The following PHF19 variants were observed in gnomAD, a reference collection of about 807,000 sequenced individuals.
PHF19 encodes the protein PHD finger protein 19.
A neutral mutation model predicts 79.8 loss-of-function variants in PHF19; 21 were observed. That is an observed-to-expected ratio of 0.26 (90% CI 0.19 to 0.38). PHF19 has a LOEUF of 0.38. Among genes scored for constraint, PHF19 ranks in the 10% least tolerant of loss-of-function variants. The probability of loss-of-function intolerance (pLI) is 1.00; values close to 1 mark genes in which losing one functional copy is unlikely to be tolerated. For synonymous variants in PHF19, 273 were observed against 296.3 expected, an observed-to-expected ratio of 0.92 and a Z score of 0.81; for missense variants, 445 against 744.2, an observed-to-expected ratio of 0.60 and a Z score of 4.68.
At position 120,865,738 on chromosome 9, in the gene PHF19, T is replaced by C. The variant is rs747527861; in HGVS notation, c.872A>G (p.His291Arg). Reference protein sequence around the residue: ...DFEEILAFVNHHWELLQLGKL... With the variant: ...DFEEILAFVNRHWELLQLGKL... ...GCCAAGCTGCAGGAGCTCCCAGTGG[T>C]GGTTGACAAAGGCCAGAATCTCCTC... The change falls in exon 9 of 15, where the codon CAC (histidine) becomes CGC (arginine). Residue 291 changes from histidine to arginine, a missense_variant. His to Arg is a conservative substitution (Grantham distance 29). This residue lies in a region of PHF19 where 167 missense variants were observed against 375.8 expected (regional missense o/e 0.44). Transcript: ENST00000373896. 3 of 1,613,998 alleles carry C rather than the reference T, an allele frequency of 1.9e-6. No individual in the cohort carries two copies. The highest frequency in any genetic ancestry group is 2.2e-5 in the East Asian group (1 of 44,884).
intron 14 of PHF19, among the ~76,000 whole-genome samples, chr9:120,858,590 C>T (rs1028888585): frequency 5.3e-5 from 8 of 152,082 alleles, no homozygotes; most frequent in African/African-American, 1.9e-4. Context: ...AACGTAAGAA[C>T]GTCCAACTCC....
At position 120,862,090 on chromosome 9, in the gene PHF19, G is replaced by T; in HGVS notation, c.1131-85C>A. On this transcript the variant is annotated intron_variant, in intron 11 of 14. Coordinates refer to ENST00000373896, the MANE Select transcript of PHF19 (RefSeq NM_015651.3). This position sits in a 1 kb window ranked among gnomAD's most constrained non-coding sequence, Gnocchi z 4.6. ...CCAGAGGGAGGCGCCGCAGGGGCGG[G>T]GGTCACAGCAGTTGGGGAGACAGGC... The T allele has an allele frequency of 1.1e-6, 1 of 932,546 alleles. No individual in the cohort carries two copies. The highest frequency in any genetic ancestry group is 1.3e-5 in the South Asian group (1 of 77,540). 57.8% of individuals were successfully genotyped at this position (932,546 alleles called of 1,614,324 possible).
Position 120,874,542 on chromosome 9 carries a change from G to T in PHF19, c.186+14C>A. 2.6e-6 allele frequency: 4 copies of T among 1,557,022 alleles called. No homozygotes were observed. The highest frequency in any genetic ancestry group is 3.5e-6 in the Non-Finnish European group (4 of 1,128,992). On this transcript the variant is annotated intron_variant, in intron 2 of 14. Coordinates refer to ENST00000373896, the MANE Select transcript of PHF19 (RefSeq NM_015651.3). This position sits in a 1 kb window ranked among gnomAD's most constrained non-coding sequence, Gnocchi z 4.5. Reference sequence around the variant, plus strand: ...TCTGAGTCTGAGAACAGGGGCCAGAGAGGATGGGTTTACCCTCTTGATCTT... The same window carrying T: ...TCTGAGTCTGAGAACAGGGGCCAGATAGGATGGGTTTACCCTCTTGATCTT...
In PHF19 at chr9:120,862,489, A is replaced by G; in HGVS notation, c.1130+99T>C. 1 of 1,042,844 alleles carries G rather than the reference A, an allele frequency of 9.6e-7. No individual in the cohort carries two copies. Among genetic ancestry groups the G allele is most frequent in the Non-Finnish European group, 1.5e-6 (1 of 687,334 alleles). 64.6% of individuals were successfully genotyped at this position (1,042,844 alleles called of 1,614,324 possible). ...CACTATCTAGCCCTCTCAGGGTCCT[A>G]CAGCTGGGACTGGCTGGGTGCAGGT... On this transcript the variant is annotated intron_variant, in intron 11 of 14. Coordinates refer to ENST00000373896, the MANE Select transcript of PHF19 (RefSeq NM_015651.3). The surrounding 1 kb of genome is among the most constrained non-coding windows in gnomAD (Gnocchi z 4.6).
At chr9:120,882,656 A>G (rs1271311102) in intron 1 of PHF19, among the ~76,000 whole-genome samples, 4 of 152,134 alleles carry the variant, frequency 2.6e-5, no homozygotes, top group African/African-American at 9.7e-5. Flanking sequence ...AGCCTGGCCA[A>G]CATGATGAAA....
chr9:120,870,086 G>C lies in PHF19; in HGVS notation c.365-141C>G. On this transcript the variant is annotated intron_variant, in intron 4 of 14. Coordinates refer to ENST00000373896, the MANE Select transcript of PHF19 (RefSeq NM_015651.3). The surrounding 1 kb of genome is among the most constrained non-coding windows in gnomAD (Gnocchi z 4.4). Reference sequence around the variant, plus strand: ...AGCTGCCGGGAGCCTGGCTGCTGGTGCCCACCAAGATGGCCAAGTCAGTGT... The same window carrying C: ...AGCTGCCGGGAGCCTGGCTGCTGGTCCCCACCAAGATGGCCAAGTCAGTGT... 7.9e-7 allele frequency: 1 copy of C among 1,268,796 alleles called. No homozygotes were observed. The highest frequency in any genetic ancestry group is 2.3e-5 in the Admixed American group (1 of 44,034). The allele number at this position is 1,268,796 out of a possible 1,614,324, so 78.6% of individuals were successfully genotyped here.
At chr9:120,895,553 C>T (rs189865336), upstream of PHF19, among the ~76,000 whole-genome samples, 282 of 152,100 alleles carry the variant, frequency 1.9e-3, no homozygotes, top group Non-Finnish European at 1.5e-3. Flanking sequence ...CCCCAGTGAG[C>T]TCTACTTTGC....
chr9:120,877,029 G>A (rs1315005895), intron 1 of PHF19, 62 bp downstream of exon 1: 1 of 985,444 alleles, frequency 1.0e-6, no homozygotes, highest in East Asian at 1.1e-4. Context: ...TTCGAAAAGA[G>A]AGGGATGAGG....
chr9:120,887,633 C>A (rs1333772011), intron 1 of PHF19, among the ~76,000 whole-genome samples: 3 of 86,960 alleles, frequency 3.4e-5, no homozygotes, highest in Non-Finnish European at 7.4e-5. Flanking sequence ...CACACACACA[C>A]ACACACACAC....
chr9:120,885,854 T>C (rs1018726519), intron 1 of PHF19, among the ~76,000 whole-genome samples: 1 of 152,202 alleles, frequency 6.6e-6, no homozygotes, highest in Non-Finnish European at 1.5e-5. Context: ...CCTGCCTGGG[T>C]GGAGGAATAC....
upstream of PHF19, among the ~76,000 whole-genome samples, chr9:120,898,126 GTT>G (rs2046416835): frequency 1.3e-5 from 2 of 152,086 alleles, no homozygotes; most frequent in Admixed American, 1.3e-4. Context: ...CTCTAAGATT[GTT>G]TGTTTTGAGA....
Position 120,874,001 on chromosome 9 carries a change from G to C in PHF19, c.246C>G (p.Val82=), listed in dbSNP as rs2045976769. Residue 82 remains valine (V), a synonymous_variant, in exon 3 of 15, where the codon GTC becomes GTG. Transcript: ENST00000373896. This position sits in a 1 kb window ranked among gnomAD's most constrained non-coding sequence, Gnocchi z 4.5. ...VTFEDNSKYW[V]LWKDIQHAGV... is the part of the protein sequence containing the mutation. ...CACCATGCTGTATGTCCTTCCATAG[G>C]ACCCAGTATTTGGAATTATCTTCGA... 6.2e-7 allele frequency: 1 copy of C among 1,602,720 alleles called. No homozygotes were observed. The highest frequency in any genetic ancestry group is 8.5e-7 in the Non-Finnish European group (1 of 1,170,156).
rs914842 is a variant in PHF19, at chr9:120,856,693, A to G, written c.*1251T>C. Reference sequence around the variant, plus strand: ...GCAAGGGCTTCCCTTTGAGGGAACCAAATGATGCAGGCTCTTTAAAAATTT... The same window carrying G: ...GCAAGGGCTTCCCTTTGAGGGAACCGAATGATGCAGGCTCTTTAAAAATTT... On this transcript the variant is annotated 3_prime_UTR_variant, in exon 15 of 15. Coordinates refer to ENST00000373896, the MANE Select transcript of PHF19 (RefSeq NM_015651.3). The G allele has an allele frequency of 0.76, 115,879 of 152,618 alleles. 44,221 individuals carry two copies. The highest frequency in any genetic ancestry group is 0.84 in the Admixed American group (12,867 of 15,306). The allele number at this position is 152,618 out of a possible 1,614,324, so 9.5% of individuals were successfully genotyped here.
At chr9:120,899,807 C>A (rs1262594587), upstream of PHF19, among the ~76,000 whole-genome samples, 1 of 152,198 alleles carries the variant, frequency 6.6e-6, no homozygotes, top group Non-Finnish European at 1.5e-5. Context: ...CTCCTCCAGT[C>A]CCACAAGGCA....
In PHF19 at chr9:120,870,161, G is replaced by T. The variant is rs1481397146; in HGVS notation, c.365-216C>A. ...ATTGGCCAGTTGTGGGGTTGGGGGGGACACAGGAAGGTCTGACTTCAGTGC... is the reference window on the plus strand; with the variant it reads ...ATTGGCCAGTTGTGGGGTTGGGGGGTACACAGGAAGGTCTGACTTCAGTGC... On this transcript the variant is annotated intron_variant, in intron 4 of 14. Coordinates refer to ENST00000373896, the MANE Select transcript of PHF19 (RefSeq NM_015651.3). This position sits in a 1 kb window ranked among gnomAD's most constrained non-coding sequence, Gnocchi z 4.4. Among the ~76,000 whole-genome samples the T allele has an allele frequency of 6.6e-6, 1 of 152,030 alleles. No individual in the cohort carries two copies.
intron 9 of PHF19, among the ~76,000 whole-genome samples, chr9:120,864,878 T>C (rs920982504): frequency 3.3e-5 from 5 of 152,114 alleles, no homozygotes; most frequent in African/African-American, 1.2e-4. Context: ...GGTGGCGTGA[T>C]ATGGATTTTT....
At chr9:120,896,721 G>A (rs2046405939), upstream of PHF19, among the ~76,000 whole-genome samples, 1 of 152,104 alleles carries the variant, frequency 6.6e-6, no homozygotes, top group East Asian at 1.9e-4. Flanking sequence ...CCAAAGTGCT[G>A]GGATTACAGG....
chr9:120,872,037 CAAAAAAAAAAAAAAAAAA>C (rs1170243737), intron 3 of PHF19, among the ~76,000 whole-genome samples: 5 of 30,324 alleles, frequency 1.6e-4, no homozygotes, highest in East Asian at 1.7e-3. Flanking sequence ...GACTCTGTCT[CAAAAAAAAAAAAAAAAAA>C]AAAAAAAAAA....
At chr9:120,884,553 G>A (rs1423793543) in intron 1 of PHF19, among the ~76,000 whole-genome samples, 1 of 152,202 alleles carries the variant, frequency 6.6e-6, no homozygotes, top group Non-Finnish European at 1.5e-5. Flanking sequence ...AGGGTCATTT[G>A]TATGATTCAA....
Sources: allele counts gnomAD v4.1 joint callset (sites outside exome capture counted in the v4.1 genomes callset), GRCh38; gene constraint gnomAD v4.1.1; regional missense constraint gnomAD v4.1.1; non-coding constraint Gnocchi (gnomAD v3.1); transcripts MANE v1.5; gene names NCBI Gene and HGNC (gene_info 2026-07-23, HGNC 2026-07-21).